Variants in SEMA6D observed in about 807,000 individuals in gnomAD.
The protein encoded by SEMA6D is semaphorin 6D.
Under a neutral mutation model 106.6 loss-of-function variants are expected in SEMA6D, and 35 were observed. The ratio of observed to expected loss-of-function variants is 0.33; its 90% confidence interval spans 0.25 to 0.44. The LOEUF (loss-of-function observed/expected upper bound fraction) is 0.44. Ranked by LOEUF, SEMA6D falls within the 20% of genes least tolerant of loss-of-function variation. The probability of loss-of-function intolerance (pLI) is 1.00; values close to 1 mark genes in which losing one functional copy is unlikely to be tolerated. For synonymous variants in SEMA6D, 499 were observed against 487.7 expected (o/e 1.02, Z -0.31); for missense variants, 1,185 against 1,345.9 (o/e 0.88, Z 1.87).
chr15:47,316,547 G>T (rs1383473640), intron 1 of SEMA6D, among the ~76,000 whole-genome samples: 1 of 151,354 alleles, frequency 6.6e-6, no homozygotes, highest in African/African-American at 2.4e-5. Context: ...TTTTTGGGGG[G>T]GGTTTTGTAG....
In SEMA6D at chr15:47,770,503, G is replaced by T. The variant is rs775757768; in HGVS notation, c.1940G>T (p.Arg647Leu). The change falls in exon 19 of 19, where the codon CGA becomes CTA. Residue 647 changes from arginine (R) to leucine (L), a missense_variant. By Grantham distance (102) the Arg-to-Leu change is moderately radical. Coordinates refer to ENST00000536845, the MANE Select transcript of SEMA6D (RefSeq NM_001358351.3). The stretch of plus-strand genomic sequence containing the variant: ...TCCCATGTGTCTATTTCAGGTGTAC[G>T]ATGGGAAGTCCAGTCTGGAGAGTCC... Reference protein sequence around the residue: ...DPLSGIPKGVRWEVQSGESNQ... With the variant: ...DPLSGIPKGVLWEVQSGESNQ... 1.5e-5 allele frequency: 24 copies of T among 1,586,256 alleles called. No individual in the cohort carries two copies. The highest frequency in any genetic ancestry group is 2.0e-5 in the Non-Finnish European group (23 of 1,160,738).
intron 1 of SEMA6D, among the ~76,000 whole-genome samples, chr15:47,250,931 G>A (rs1028217269): frequency 1.3e-5 from 2 of 152,208 alleles, no homozygotes; most frequent in African/African-American, 4.8e-5. Context: ...GGTTTATAAT[G>A]TAGAAAGATA....
intron 4 of SEMA6D, among the ~76,000 whole-genome samples, chr15:47,611,976 A>G (rs900183207): frequency 1.3e-5 from 2 of 152,136 alleles, no homozygotes; most frequent in Non-Finnish European, 2.9e-5. Context: ...AGTGTGAGGG[A>G]ATGAAGGGGA....
intron 1 of SEMA6D, among the ~76,000 whole-genome samples, chr15:47,721,516 C>A (rs1439320): frequency 0.29 from 44,196 of 152,072 alleles, 7,962 homozygotes; most frequent in Non-Finnish European, 0.4. Flanking sequence ...CCATGACACA[C>A]GGAGAGAATA....
chr15:47,424,217 C>T (rs1347457904), intron 2 of SEMA6D, among the ~76,000 whole-genome samples: 1 of 151,948 alleles, frequency 6.6e-6, no homozygotes, highest in Non-Finnish European at 1.5e-5. Context: ...TAGAAGACTA[C>T]CTAGTGACTA....
At chr15:47,385,676 G>T (rs1306534757) in intron 1 of SEMA6D, among the ~76,000 whole-genome samples, 1 of 142,064 alleles carries the variant, frequency 7.0e-6, no homozygotes, top group Admixed American at 7.1e-5. Flanking sequence ...CAGCAATAAA[G>T]AATTTTTTTT....
At chr15:47,698,834 A>G (rs896945149) in intron 4 of SEMA6D, among the ~76,000 whole-genome samples, 1 of 152,148 alleles carries the variant, frequency 6.6e-6, no homozygotes, top group Non-Finnish European at 1.5e-5. Context: ...TACTATACTT[A>G]CTACTTACTT....
chr15:47,766,147 C>T lies in SEMA6D; in HGVS notation c.1611C>T (p.Ser537=), dbSNP rs1278667657. ...GTGACCCGTATTGTGGCTGGTTAAG[C>T]CAGGGATCCTGTGGTAGAGTGACCC... ...ASRDPYCGWL[S]QGSCGRVTPG... The change falls in exon 15 of 19, where the codon AGC becomes AGT. Residue 537 remains serine (S), a synonymous_variant. Transcript: ENST00000536845. The T allele has an allele frequency of 6.2e-7, 1 of 1,613,352 alleles. No individual in the cohort carries two copies. The highest frequency in any genetic ancestry group is 1.7e-5 in the Admixed American group (1 of 59,962).
At chr15:47,692,067 A>G (rs2078598179) in intron 4 of SEMA6D, among the ~76,000 whole-genome samples, 1 of 152,188 alleles carries the variant, frequency 6.6e-6, no homozygotes, top group Non-Finnish European at 1.5e-5. Flanking sequence ...ATGGGAAAAG[A>G]GCCCAGGATG....
At chr15:47,239,700 T>C (rs1228896100) in intron 1 of SEMA6D, among the ~76,000 whole-genome samples, 6 of 152,170 alleles carry the variant, frequency 3.9e-5, no homozygotes, top group Non-Finnish European at 8.8e-5. Context: ...CATTGTGTGA[T>C]TGTAGAGCTC....
chr15:47,386,761 AGTTCTGCCAGGCAC>A (rs1411049839), intron 1 of SEMA6D, among the ~76,000 whole-genome samples: 18 of 152,228 alleles, frequency 1.2e-4, no homozygotes, highest in Admixed American at 9.8e-4. Flanking sequence ...CACTAGTAGA[AGTTCTGCCAGGCAC>A]GTTCTTATAG....
intron 3 of SEMA6D, among the ~76,000 whole-genome samples, chr15:47,504,976 A>T (rs1428456209): frequency 2.0e-5 from 3 of 152,170 alleles, no homozygotes; most frequent in Admixed American, 2.0e-4. Flanking sequence ...AATTTGCCTC[A>T]TTCCTGTCAT....
intron 1 of SEMA6D, among the ~76,000 whole-genome samples, chr15:47,752,662 C>A (rs765060226): frequency 6.6e-6 from 1 of 150,582 alleles, no homozygotes; most frequent in Non-Finnish European, 1.5e-5. Flanking sequence ...ATATAATCAA[C>A]GTCTTTTTAT....
At chr15:47,615,289 T>C (rs931259845) in intron 4 of SEMA6D, among the ~76,000 whole-genome samples, 1 of 152,224 alleles carries the variant, frequency 6.6e-6, no homozygotes, top group African/African-American at 2.4e-5. Flanking sequence ...ATTTAAAGTA[T>C]ATGGCAGGAT....
chr15:47,384,824 T>TTTTG (rs1195995024), intron 1 of SEMA6D, among the ~76,000 whole-genome samples: 18 of 89,184 alleles, frequency 2.0e-4, no homozygotes, highest in African/African-American at 7.5e-4. Context: ...GTTTTTTTTT[T>TTTTG]TTTTTTTTTT....
At chr15:47,260,172 A>G (rs1451091481) in intron 1 of SEMA6D, among the ~76,000 whole-genome samples, 1 of 151,982 alleles carries the variant, frequency 6.6e-6, no homozygotes, top group East Asian at 1.9e-4. Context: ...GATAATTTCA[A>G]CTTCTGATTC....
intron 4 of SEMA6D, among the ~76,000 whole-genome samples, chr15:47,637,058 G>A (rs2077402035): frequency 6.6e-6 from 1 of 152,138 alleles, no homozygotes; most frequent in South Asian, 2.1e-4. Flanking sequence ...AGGGGCCCAG[G>A]AGTGCCAGAC....
intron 3 of SEMA6D, among the ~76,000 whole-genome samples, chr15:47,510,344 C>T (rs1417565716): frequency 7.2e-5 from 11 of 152,106 alleles, no homozygotes; most frequent in African/African-American, 2.7e-4. Flanking sequence ...TCTGCCCCTG[C>T]CCCCCAGTTT....
chr15:47,281,996 A>G (rs910317653), intron 1 of SEMA6D, among the ~76,000 whole-genome samples: 4 of 152,142 alleles, frequency 2.6e-5, no homozygotes, highest in African/African-American at 4.8e-5. Flanking sequence ...ACTATACCCT[A>G]TCCTTCCTCC....
Sources: gnomAD v4.1 joint callset for allele counts (sites outside exome capture counted in the v4.1 genomes callset) on GRCh38, gnomAD v4.1.1 for gene constraint, MANE v1.5 for transcripts, NCBI Gene and HGNC (gene_info 2026-07-23, HGNC 2026-07-21) for gene names.